Variants in GRM8 observed in about 807,000 individuals in gnomAD.
GRM8 encodes the protein glutamate metabotropic receptor 8, also known as metabotropic glutamate receptor 8.
In GRM8, 47 loss-of-function variants were observed where a neutral mutation model predicts 87.2. That is an observed-to-expected ratio of 0.54 (90% confidence interval 0.43 to 0.69). GRM8 has a LOEUF of 0.69. GRM8 is among the 30% of genes least tolerant of loss of function. GRM8 has a pLI of 0.00. For missense variants in GRM8, 1,019 were observed against 1,139.2 expected, an observed-to-expected ratio of 0.89 and a Z score of 1.52; for synonymous variants, 396 against 404.5, an observed-to-expected ratio of 0.98 and a Z score of 0.25.
At chr7:126,547,851 G>T (rs1321439477) in intron 8 of GRM8, among the ~76,000 whole-genome samples, 1 of 150,170 alleles carries the variant, frequency 6.7e-6, no homozygotes, top group Non-Finnish European at 1.5e-5. Flanking sequence ...AGAATCCCGA[G>T]AACAAATAGA....
intron 7 of GRM8, among the ~76,000 whole-genome samples, chr7:126,687,444 G>A (rs1349673328): frequency 6.6e-6 from 1 of 152,008 alleles, no homozygotes; most frequent in Non-Finnish European, 1.5e-5. Flanking sequence ...TTTCATTGCT[G>A]AATAGCATTC....
intron 7 of GRM8, among the ~76,000 whole-genome samples, chr7:126,660,986 G>A (rs922537450): frequency 1.3e-5 from 2 of 152,132 alleles, no homozygotes; most frequent in African/African-American, 2.4e-5. Context: ...AGAATAGAAG[G>A]TTACCAGAGA....
At chr7:126,804,649 C>A (rs1411752953) in intron 6 of GRM8, among the ~76,000 whole-genome samples, 1 of 152,208 alleles carries the variant, frequency 6.6e-6, no homozygotes, top group Non-Finnish European at 1.5e-5. Flanking sequence ...ATTTTATCCT[C>A]ATTAAGGATG....
intron 6 of GRM8, among the ~76,000 whole-genome samples, chr7:126,787,350 A>C (rs10264074): frequency 0.013 from 2,009 of 152,272 alleles, 51 homozygotes; most frequent in African/African-American, 0.046. Flanking sequence ...GAGGGGAGGG[A>C]GTAATAATAA....
chr7:126,684,775 A>G (rs1390418050), intron 7 of GRM8, among the ~76,000 whole-genome samples: 1 of 152,236 alleles, frequency 6.6e-6, no homozygotes, highest in East Asian at 1.9e-4. Context: ...GGGAGCCCGT[A>G]CATCTTGTGT....
chr7:126,730,893 T>G (rs1242846545), intron 7 of GRM8, among the ~76,000 whole-genome samples: 3 of 152,086 alleles, frequency 2.0e-5, no homozygotes, highest in African/African-American at 7.2e-5. Context: ...TTTACTTAAT[T>G]TAGTTATCAA....
intron 7 of GRM8, among the ~76,000 whole-genome samples, chr7:126,707,946 A>G (rs946012757): frequency 2.0e-5 from 3 of 152,180 alleles, no homozygotes; most frequent in Non-Finnish European, 4.4e-5. Flanking sequence ...AAGAGTCAAC[A>G]AAATGAAAAG....
At chr7:126,645,901 G>T (rs958602077) in intron 7 of GRM8, among the ~76,000 whole-genome samples, 1 of 152,078 alleles carries the variant, frequency 6.6e-6, no homozygotes, top group African/African-American at 2.4e-5. Context: ...CTCAGCTGAT[G>T]AACTTACCCT....
chr7:126,514,961 T>C (rs983547954), intron 9 of GRM8, among the ~76,000 whole-genome samples: 1 of 152,042 alleles, frequency 6.6e-6, no homozygotes, highest in Non-Finnish European at 1.5e-5. Context: ...CTTACTAAAT[T>C]ATTATAATTA....
chr7:127,029,671 T>TC (rs397710184), intron 3 of GRM8, among the ~76,000 whole-genome samples: 20 of 151,628 alleles, frequency 1.3e-4, no homozygotes, highest in Admixed American at 3.3e-4. Context: ...CTTTTTTTTT[T>TC]CTTTCCATTT....
chr7:126,672,045 T>C (rs1372411465), intron 7 of GRM8, among the ~76,000 whole-genome samples: 3 of 152,234 alleles, frequency 2.0e-5, no homozygotes, highest in Non-Finnish European at 4.4e-5. Context: ...TTAAAAGGCA[T>C]AGCACATGTG....
intron 6 of GRM8, among the ~76,000 whole-genome samples, chr7:126,837,012 T>A (rs1174808573): frequency 6.6e-6 from 1 of 152,108 alleles, no homozygotes; most frequent in Non-Finnish European, 1.5e-5. Context: ...TTTAACATAA[T>A]AGGAATATAT....
rs534271980 is a variant in GRM8, at chr7:127,189,335, T to C, written c.510+53360A>G. Among the ~76,000 whole-genome samples, 539 of 152,282 alleles carry C rather than the reference T, an allele frequency of 3.5e-3. 3 individuals carry two copies. Among genetic ancestry groups the C allele is most frequent in the African/African-American group, 0.012 (502 of 41,554 alleles). ...TCTCCAGTGCAGAGAAGTGGCTTTA[T>C]TTAGGACTGGCCAGAGGGGGATGGG... On this transcript the variant is annotated intron_variant, in intron 2 of 10. Coordinates refer to ENST00000339582, the MANE Select transcript of GRM8 (RefSeq NM_000845.3).
At chr7:126,827,546 AT>A (rs1794941231) in intron 6 of GRM8, among the ~76,000 whole-genome samples, 1 of 152,236 alleles carries the variant, frequency 6.6e-6, no homozygotes, top group Admixed American at 6.5e-5. Flanking sequence ...AATGCTTGTG[AT>A]TTTTGTACTT....
intron 8 of GRM8, among the ~76,000 whole-genome samples, chr7:126,598,290 A>G (rs190190577): frequency 7.8e-4 from 119 of 152,134 alleles, no homozygotes; most frequent in Non-Finnish European, 1.5e-3. Context: ...GACACCCTGA[A>G]TACTAGTAGA....
At chr7:126,643,417 C>T (rs2151213478) in intron 7 of GRM8, among the ~76,000 whole-genome samples, 1 of 133,084 alleles carries the variant, frequency 7.5e-6, no homozygotes, top group Non-Finnish European at 1.5e-5. Context: ...GTTATAAATC[C>T]AACATCAAGT....
At chr7:127,186,680 C>T (rs62468884) in intron 2 of GRM8, among the ~76,000 whole-genome samples, 3,187 of 152,234 alleles carry the variant, frequency 0.021, 67 homozygotes, top group Non-Finnish European at 0.028. Flanking sequence ...CTGATAAAAG[C>T]ATAAAACGTG....
intron 7 of GRM8, among the ~76,000 whole-genome samples, chr7:126,753,284 T>TAC (rs1816631700): frequency 6.6e-6 from 1 of 151,856 alleles, no homozygotes; most frequent in African/African-American, 2.4e-5. Context: ...ATTTAAATTT[T>TAC]ATATATATAT....
chr7:126,946,648 G>A (rs1177763677), intron 3 of GRM8, among the ~76,000 whole-genome samples: 3 of 152,188 alleles, frequency 2.0e-5, no homozygotes, highest in Non-Finnish European at 2.9e-5. Flanking sequence ...ATACAAGAGT[G>A]CCAAGTCATG....
Sources: allele counts gnomAD v4.1 joint callset (sites outside exome capture counted in the v4.1 genomes callset), GRCh38; gene constraint gnomAD v4.1.1; transcripts MANE v1.5; gene names NCBI Gene and HGNC (gene_info 2026-07-23, HGNC 2026-07-21).